GRID2: variants seen among roughly 807,000 people sequenced by gnomAD.
The protein encoded by GRID2 is glutamate ionotropic receptor delta type subunit 2, also known as glutamate receptor ionotropic, delta-2.
GRID2 carries 33 observed loss-of-function variants against 114.8 expected under a neutral mutation model. The ratio of observed to expected loss-of-function variants is 0.29; its 90% CI spans 0.22 to 0.38. The LOEUF is 0.38. Among genes scored for constraint, GRID2 ranks in the 10% least tolerant of loss-of-function variants. The pLI is 1.00. For missense variants in GRID2, 1,184 were observed against 1,257.7 expected, an observed-to-expected ratio of 0.94 and a Z score of 0.89; for synonymous variants, 505 against 449.9, an observed-to-expected ratio of 1.12 and a Z score of -1.55.
intron 1 of GRID2, among the ~76,000 whole-genome samples, chr4:92,350,926 T>C (rs1728035324): frequency 6.6e-6 from 1 of 151,870 alleles, no homozygotes; most frequent in Non-Finnish European, 1.5e-5. Context: ...AATCATATAA[T>C]ACGTGGTCTT....
At chr4:92,359,211 A>T (rs955366029) in intron 1 of GRID2, among the ~76,000 whole-genome samples, 1 of 151,930 alleles carries the variant, frequency 6.6e-6, no homozygotes, top group Non-Finnish European at 1.5e-5. Context: ...TAGTGTTCTC[A>T]TGTGACTTCT....
intron 9 of GRID2, among the ~76,000 whole-genome samples, chr4:93,405,852 A>G (rs1766357727): frequency 6.6e-6 from 1 of 152,154 alleles, no homozygotes; most frequent in South Asian, 2.1e-4. Context: ...AGAAATGAAC[A>G]TGAATATAAA....
chr4:93,239,996 T>G (rs1407630441), intron 8 of GRID2, among the ~76,000 whole-genome samples: 6 of 151,754 alleles, frequency 4.0e-5, no homozygotes, highest in African/African-American at 1.4e-4. Flanking sequence ...GTTTATTCAT[T>G]TATATTGCTG....
rs371391449 is a variant in GRID2 at position 92,694,414 on chromosome 4, G to T, written c.244+104128G>T. Reference sequence around the variant, plus strand: ...GAACTATCTGGAAGACTAAAGTTTTGTCCTTCCATCTGTGTTCAGCGCTAC... The same window carrying T: ...GAACTATCTGGAAGACTAAAGTTTTTTCCTTCCATCTGTGTTCAGCGCTAC... On this transcript the variant is annotated intron_variant, in intron 2 of 15. Coordinates refer to ENST00000282020, the MANE Select transcript of GRID2 (RefSeq NM_001510.4). Among the ~76,000 whole-genome samples the T allele has an allele frequency of 2.5e-4, 38 of 152,278 alleles. 1 individual carries two copies. In the East Asian group the frequency reaches 5.0e-3, roughly 20 times the overall value.
chr4:93,014,072 A>G lies in GRID2; in HGVS notation c.245-70923A>G, dbSNP rs1359430127. On this transcript the variant is annotated intron_variant, in intron 2 of 15. Coordinates refer to ENST00000282020, the MANE Select transcript of GRID2 (RefSeq NM_001510.4). ...ATATTTGAGCACTTTGTGGAGAGAA[A>G]GGGAATAAATTAATTCTGCTCATGT... is the stretch of plus-strand genomic sequence containing the variant. Among the ~76,000 whole-genome samples the G allele has an allele frequency of 5.9e-5, 9 of 152,246 alleles. 1 individual carries two copies. In the East Asian group the frequency reaches 1.7e-3, roughly 29 times the overall value.
chr4:92,787,670 G>A (rs2149362376), intron 2 of GRID2, among the ~76,000 whole-genome samples: 1 of 151,990 alleles, frequency 6.6e-6, no homozygotes, highest in South Asian at 2.1e-4. Context: ...GCCATTACAG[G>A]ATGTTGCCCA....
chr4:92,826,063 CAGT>C lies in GRID2; in HGVS notation c.244+235781_244+235783del, dbSNP rs567859579. On this transcript the variant is annotated intron_variant, in intron 2 of 15. Coordinates refer to ENST00000282020, the MANE Select transcript of GRID2 (RefSeq NM_001510.4). ...TTGTCACCCTTCTGCTCAAAATTCTCAGTAGTTTTCTCTTTCATTCAGAGTAAA... is the reference window on the plus strand; with the variant it reads ...TTGTCACCCTTCTGCTCAAAATTCTCAGTTTTCTCTTTCATTCAGAGTAAA... 2.8e-4 allele frequency among the ~76,000 whole-genome samples: 43 copies of C among 152,230 alleles called. No homozygotes were observed. In the East Asian group the frequency reaches 6.6e-3, roughly 23 times the overall value.
intron 2 of GRID2, among the ~76,000 whole-genome samples, chr4:93,081,264 C>T (rs892054013): frequency 2.6e-5 from 4 of 152,032 alleles, no homozygotes; most frequent in Admixed American, 2.6e-4. Context: ...ATGATGCTAC[C>T]AAAAAATATT....
chr4:93,084,258 A>G (rs369329240), intron 2 of GRID2, among the ~76,000 whole-genome samples: 2 of 152,264 alleles, frequency 1.3e-5, no homozygotes, highest in African/African-American at 4.8e-5. Context: ...ATTTTGAGGT[A>G]TGCACATAGA....
chr4:93,146,465 A>C (rs763338623), intron 4 of GRID2, among the ~76,000 whole-genome samples: 6 of 152,280 alleles, frequency 3.9e-5, no homozygotes, highest in South Asian at 2.1e-4. Flanking sequence ...TTGAGGAATG[A>C]AAGCTTTTCA....
chr4:92,569,620 A>G lies in GRID2; in HGVS notation c.89-20511A>G, dbSNP rs1486171450. 2.0e-5 allele frequency among the ~76,000 whole-genome samples: 3 copies of G among 151,952 alleles called. No homozygotes were observed. In the East Asian group the frequency reaches 5.8e-4, roughly 30 times the overall value. On this transcript the variant is annotated intron_variant, in intron 1 of 15. Transcript: ENST00000282020. ...TAAAAACAGTCCTTCATTTTCCACAACCTTGCCAGCATCTGTTGTTTATTG... is the reference window on the plus strand; with the variant it reads ...TAAAAACAGTCCTTCATTTTCCACAGCCTTGCCAGCATCTGTTGTTTATTG...
chr4:92,940,455 AG>A (rs1946021188), intron 2 of GRID2, among the ~76,000 whole-genome samples: 1 of 151,684 alleles, frequency 6.6e-6, no homozygotes, highest in Admixed American at 6.6e-5. Context: ...TATCAGCTTA[AG>A]GAGATTTTGG....
intron 1 of GRID2, among the ~76,000 whole-genome samples, chr4:92,552,328 C>T (rs1297460592): frequency 6.6e-6 from 1 of 150,860 alleles, no homozygotes. Context: ...GCACAACAGC[C>T]AAAAATGAAT....
chr4:93,719,404 C>CA (rs1560940668), intron 14 of GRID2, among the ~76,000 whole-genome samples: 2 of 146,788 alleles, frequency 1.4e-5, no homozygotes, highest in Non-Finnish European at 3.0e-5. Flanking sequence ...ATCCAAGGGA[C>CA]TTTTTTTTTT....
At chr4:93,515,015 C>T (rs1729568977) in intron 12 of GRID2, among the ~76,000 whole-genome samples, 1 of 152,110 alleles carries the variant, frequency 6.6e-6, no homozygotes, top group Non-Finnish European at 1.5e-5. Context: ...TTTGTGTTCT[C>T]ATAATTTGTA....
intron 1 of GRID2, among the ~76,000 whole-genome samples, chr4:92,405,733 G>T (rs1730996817): frequency 6.6e-6 from 1 of 151,304 alleles, no homozygotes; most frequent in Non-Finnish European, 1.5e-5. Context: ...AAAAAAATCA[G>T]CTTATACAAC....
At chr4:93,103,588 A>T (rs1030821081) in intron 3 of GRID2, among the ~76,000 whole-genome samples, 8 of 152,076 alleles carry the variant, frequency 5.3e-5, no homozygotes, top group African/African-American at 1.7e-4. Context: ...AAAAAAAATC[A>T]CTAACATCAG....
chr4:93,600,811 C>G (rs990259797), intron 13 of GRID2, among the ~76,000 whole-genome samples: 1 of 152,168 alleles, frequency 6.6e-6, no homozygotes, highest in Non-Finnish European at 1.5e-5. Flanking sequence ...GCATAGTGGT[C>G]TACTCAGACC....
chr4:93,097,003 CTGAGT>C (rs1477231399), intron 3 of GRID2, among the ~76,000 whole-genome samples: 1 of 151,880 alleles, frequency 6.6e-6, no homozygotes, highest in Admixed American at 6.6e-5. Context: ...TGAAGAAACA[CTGAGT>C]TAAGTGAGAA....
Sources: gnomAD v4.1 joint callset for allele counts (sites outside exome capture counted in the v4.1 genomes callset) on GRCh38, gnomAD v4.1.1 for gene constraint, MANE v1.5 for transcripts, NCBI Gene and HGNC (gene_info 2026-07-23, HGNC 2026-07-21) for gene names.